Variants in SRPK1 observed in about 807,000 individuals in gnomAD.
SRPK1 encodes the protein SRSF protein kinase 1.
In SRPK1, 52 loss-of-function variants were observed where a neutral mutation model predicts 89.5. That is an observed-to-expected ratio of 0.58 (90% CI 0.46 to 0.73). The LOEUF (loss-of-function observed/expected upper bound fraction) is 0.73. Ranked by LOEUF, SRPK1 falls within the 30% of genes least tolerant of loss-of-function variation. The probability of loss-of-function intolerance (pLI) is 0.00; values close to 1 mark genes in which losing one functional copy is unlikely to be tolerated. For missense variants in SRPK1, 603 were observed against 780.6 expected (o/e 0.77, Z 2.71); for synonymous variants, 255 against 270.2 (o/e 0.94, Z 0.55).
In SRPK1 at chr6:35,833,521, G is replaced by A. The variant is rs1207617353; in HGVS notation, c.*1783C>T. 6.5e-6 allele frequency: 1 copy of A among 152,766 alleles called. No homozygotes were observed. Among genetic ancestry groups the A allele is most frequent in the Non-Finnish European group, 1.5e-5 (1 of 68,034 alleles). The allele number at this position is 152,766 out of a possible 1,614,324, so 9.5% of individuals were successfully genotyped here. The stretch of plus-strand genomic sequence containing the variant: ...AAACCCAAAGTGGATTAGAATTGCT[G>A]AAGGATTTCCCTGCCGTTGTTTGAT... On this transcript the variant is annotated 3_prime_UTR_variant, in exon 16 of 16. Transcript: ENST00000373825.
chr6:35,905,070 C>A, intron 2 of SRPK1: 1 of 354,430 alleles, frequency 2.8e-6, no homozygotes, highest in Non-Finnish European at 5.5e-6. Flanking sequence ...ATGCTTGAGC[C>A]CAGGAGTTTG....
intron 2 of SRPK1, among the ~76,000 whole-genome samples, chr6:35,916,090 G>A (rs1771094679): frequency 7.1e-6 from 1 of 141,386 alleles, no homozygotes; most frequent in African/African-American, 2.5e-5. Context: ...TGGACACAGT[G>A]GTATGTGCCT....
intron 2 of SRPK1, among the ~76,000 whole-genome samples, chr6:35,915,671 T>C (rs547527457): frequency 1.4e-4 from 22 of 152,088 alleles, no homozygotes; most frequent in Non-Finnish European, 2.5e-4. Context: ...ATTCCATTTT[T>C]GTCTTTAAAG....
At chr6:35,911,444 G>A (rs747325195) in intron 2 of SRPK1, among the ~76,000 whole-genome samples, 10 of 152,104 alleles carry the variant, frequency 6.6e-5, no homozygotes, top group Non-Finnish European at 1.3e-4. Context: ...GCCGGGCGTG[G>A]TGGCTCACGC....
chr6:35,913,969 CTTTTTTTTTTTTTT>C (rs545555860), intron 2 of SRPK1, among the ~76,000 whole-genome samples: 5 of 92,934 alleles, frequency 5.4e-5, no homozygotes, highest in South Asian at 4.7e-4. Flanking sequence ...GATACTTTCT[CTTTTTTTTTTTTTT>C]TTTTTTTTTG....
chr6:35,892,390 G>A (rs1366183564), intron 2 of SRPK1, among the ~76,000 whole-genome samples: 2 of 152,044 alleles, frequency 1.3e-5, no homozygotes, highest in African/African-American at 2.4e-5. Context: ...TGGGCCTCAT[G>A]CCTGTAATCC....
At chr6:35,899,713 C>A (rs1431302519) in intron 2 of SRPK1, among the ~76,000 whole-genome samples, 1 of 151,982 alleles carries the variant, frequency 6.6e-6, no homozygotes, top group African/African-American at 2.4e-5. Flanking sequence ...TAGAAAGATT[C>A]CTTTGGGGCC....
chr6:35,875,458 C>T (rs1435782252), intron 6 of SRPK1, among the ~76,000 whole-genome samples: 1 of 152,124 alleles, frequency 6.6e-6, no homozygotes, highest in African/African-American at 2.4e-5. Flanking sequence ...TCATAATCTA[C>T]CTGCCTTGGC....
chr6:35,870,778 G>C (rs1486590806), intron 9 of SRPK1, among the ~76,000 whole-genome samples, 156 bp downstream of exon 9: 2 of 152,074 alleles, frequency 1.3e-5, no homozygotes, highest in African/African-American at 2.4e-5. Flanking sequence ...ATGTGATGAA[G>C]GTGCATGGGA....
intron 2 of SRPK1, among the ~76,000 whole-genome samples, chr6:35,891,592 G>C (rs1166148838): frequency 6.6e-6 from 1 of 151,830 alleles, no homozygotes; most frequent in African/African-American, 2.4e-5. Flanking sequence ...GTGGTGGTGG[G>C]CACCCCACGC....
intron 6 of SRPK1, among the ~76,000 whole-genome samples, chr6:35,879,044 CTG>C (rs1770219137): frequency 1.3e-5 from 2 of 151,700 alleles, no homozygotes; most frequent in South Asian, 4.2e-4. Flanking sequence ...TGAGCTGAGA[CTG>C]TGCCACTGCA....
At chr6:35,887,284 C>G (rs2127256580) in intron 5 of SRPK1, among the ~76,000 whole-genome samples, 1 of 152,202 alleles carries the variant, frequency 6.6e-6, no homozygotes, top group East Asian at 1.9e-4. Flanking sequence ...CTGTCTTAAG[C>G]CAGATGCAGT....
At chr6:35,917,739 T>G (rs1032364715) in intron 2 of SRPK1, among the ~76,000 whole-genome samples, 1 of 152,196 alleles carries the variant, frequency 6.6e-6, no homozygotes, top group Non-Finnish European at 1.5e-5. Flanking sequence ...ACTAAATTAC[T>G]AAGGATGCTA....
In SRPK1 at chr6:35,897,893, T is replaced by G. The variant is rs190398642; in HGVS notation, c.75-6880A>C. ...CCTAAATGTCCAACAAGAGGTGGGT[T>G]GAATAGATTTATTAGCTGCATAGAT... On this transcript the variant is annotated intron_variant, in intron 2 of 15. Transcript: ENST00000373825. 2.1e-3 allele frequency among the ~76,000 whole-genome samples: 326 copies of G among 152,350 alleles called. 1 individual carries two copies. The highest frequency in any genetic ancestry group is 7.4e-3 in the African/African-American group (308 of 41,584).
At chr6:35,843,554 G>A (rs1323946450) in intron 13 of SRPK1, among the ~76,000 whole-genome samples, 1 of 150,822 alleles carries the variant, frequency 6.6e-6, no homozygotes, top group African/African-American at 2.4e-5. Flanking sequence ...GGGTTCAAGT[G>A]ATTCTCCTGC....
chr6:35,857,196 A>C (rs542073143), intron 13 of SRPK1, 65 bp downstream of exon 13: 53 of 1,204,704 alleles, frequency 4.4e-5, no homozygotes, highest in Non-Finnish European at 6.3e-5. Flanking sequence ...TGGTTTACTG[A>C]AATTAGCAAA....
rs1190701649 is a variant in SRPK1, at chr6:35,857,300, G to C, written c.1581C>G (p.Gly527=). 1.9e-6 allele frequency: 3 copies of C among 1,613,296 alleles called. No homozygotes were observed. Among genetic ancestry groups the C allele is most frequent in the Non-Finnish European group, 8.5e-7 (1 of 1,179,624 alleles). ...TCCAAATGTCAGCAGGGGTATTATA[G>C]CCAGATCCGATTAGAACTTCCAAGG... The part of the protein sequence containing the change: ...YRSLEVLIGS[G]YNTPADIWST... The change falls in exon 13 of 16, where the codon GGC becomes GGG. Residue 527 remains glycine (G), a synonymous_variant. Coordinates refer to ENST00000373825, the MANE Select transcript of SRPK1 (RefSeq NM_003137.5).
chr6:35,835,725 A>AT (rs1769164655), intron 15 of SRPK1, among the ~76,000 whole-genome samples: 1 of 152,066 alleles, frequency 6.6e-6, no homozygotes, highest in Non-Finnish European at 1.5e-5. Context: ...CTATTCTAGG[A>AT]TTTTTTTGGT....
Position 35,884,991 on chromosome 6 carries a change from C to A in SRPK1, c.478+1733G>T, listed in dbSNP as rs146907618. 7.3e-3 allele frequency among the ~76,000 whole-genome samples: 1,113 copies of A among 151,996 alleles called. 14 individuals are homozygous for A. The highest frequency in any genetic ancestry group is 0.025 in the African/African-American group (1,023 of 41,424). ...CTCCAAAAAAGAAAAAGAAAAATATCTTGGAACTTGAAATTCAAACCTACT... is the reference window on the plus strand; with the variant it reads ...CTCCAAAAAAGAAAAAGAAAAATATATTGGAACTTGAAATTCAAACCTACT... On this transcript the variant is annotated intron_variant, in intron 6 of 15. Coordinates refer to ENST00000373825, the MANE Select transcript of SRPK1 (RefSeq NM_003137.5).
Sources: gnomAD v4.1 joint callset for allele counts (sites outside exome capture counted in the v4.1 genomes callset) on GRCh38, gnomAD v4.1.1 for gene constraint, MANE v1.5 for transcripts, NCBI Gene and HGNC (gene_info 2026-07-23, HGNC 2026-07-21) for gene names.